PIP5K1B: variants seen among roughly 807,000 people sequenced by gnomAD.
PIP5K1B encodes phosphatidylinositol 4-phosphate 5-kinase type-1 beta.
In PIP5K1B, 42 loss-of-function variants were observed where a neutral mutation model predicts 67.0. That is an observed-to-expected ratio of 0.63 (90% confidence interval 0.49 to 0.81). The LOEUF (loss-of-function observed/expected upper bound fraction) is 0.81. Ranked by LOEUF, PIP5K1B falls within the 30% of genes least tolerant of loss-of-function variation. The pLI, the probability that PIP5K1B is intolerant of heterozygous loss-of-function variation, is 0.00. For synonymous variants in PIP5K1B, 214 were observed against 231.4 expected, an observed-to-expected ratio of 0.92 and a Z score of 0.68; for missense variants, 459 against 646.3, an observed-to-expected ratio of 0.71 and a Z score of 3.14.
rs1475431006 is a variant in PIP5K1B, at chr9:68,815,645, CAGAA to C, written c.-85-2814_-85-2811del. 3.3e-5 allele frequency among the ~76,000 whole-genome samples: 5 copies of C among 151,720 alleles called. No individual in the cohort carries two copies. In the East Asian group the frequency reaches 9.7e-4, roughly 29 times the overall value. On this transcript the variant is annotated intron_variant, in intron 2 of 15. Transcript: ENST00000265382. ...TATAAATCCCGAGAGGAGTTATAAA[CAGAA>C]AAAAACGTGAGTGCGTATAAAGAAA...
intron 15 of PIP5K1B, among the ~76,000 whole-genome samples, chr9:69,002,443 A>C (rs1220357023): frequency 6.6e-6 from 1 of 152,192 alleles, no homozygotes; most frequent in Non-Finnish European, 1.5e-5. Flanking sequence ...ATTCTGCAGC[A>C]CTAGCACGTG....
chr9:68,893,457 C>T (rs1564211450), intron 7 of PIP5K1B, among the ~76,000 whole-genome samples: 1 of 151,046 alleles, frequency 6.6e-6, no homozygotes, highest in Non-Finnish European at 1.5e-5. Context: ...CCTCAGCCTC[C>T]CGAGTAGCTG....
chr9:68,791,538 T>C (rs1428065114), intron 2 of PIP5K1B, among the ~76,000 whole-genome samples: 2 of 152,218 alleles, frequency 1.3e-5, no homozygotes, highest in Admixed American at 6.5e-5. Context: ...AAGAATTTCT[T>C]TGAGTCTCTT....
intron 14 of PIP5K1B, among the ~76,000 whole-genome samples, chr9:68,971,393 A>G (rs1394210748): frequency 1.3e-5 from 2 of 152,170 alleles, no homozygotes; most frequent in Non-Finnish European, 2.9e-5. Flanking sequence ...CTAGTCTATC[A>G]TTGATGGGCA....
At chr9:69,003,553 A>C (rs1483238077) in intron 15 of PIP5K1B, among the ~76,000 whole-genome samples, 4 of 151,666 alleles carry the variant, frequency 2.6e-5, no homozygotes, top group African/African-American at 9.7e-5. Flanking sequence ...AGTGCTGTTC[A>C]TCTTGGCCAA....
At chr9:68,844,605 T>A (rs1361353492) in intron 4 of PIP5K1B, among the ~76,000 whole-genome samples, 1 of 133,214 alleles carries the variant, frequency 7.5e-6, no homozygotes, top group Non-Finnish European at 1.5e-5. Context: ...GTGGGGGAGA[T>A]CCAATGGGGG....
At chr9:68,842,507 A>G (rs188219409) in intron 4 of PIP5K1B, among the ~76,000 whole-genome samples, 2 of 152,272 alleles carry the variant, frequency 1.3e-5, no homozygotes, top group African/African-American at 4.8e-5. Flanking sequence ...ATTGATGTGG[A>G]TAGCATATAT....
At chr9:68,868,385 CAT>C (rs1342666801) in intron 5 of PIP5K1B, among the ~76,000 whole-genome samples, 3 of 152,232 alleles carry the variant, frequency 2.0e-5, no homozygotes, top group African/African-American at 7.2e-5. Context: ...ACTTATATAA[CAT>C]ATATTAATTT....
intron 2 of PIP5K1B, among the ~76,000 whole-genome samples, chr9:68,807,197 C>T (rs1384374296): frequency 6.6e-6 from 1 of 152,154 alleles, no homozygotes; most frequent in Non-Finnish European, 1.5e-5. Context: ...TCCGGGAATA[C>T]ATGTTTGAGT....
chr9:68,874,266 C>A (rs886150147), intron 5 of PIP5K1B, among the ~76,000 whole-genome samples: 5 of 152,116 alleles, frequency 3.3e-5, no homozygotes, highest in African/African-American at 7.2e-5. Context: ...TAATATGGCC[C>A]AAAGATAGCT....
chr9:68,768,807 CA>C (rs1830551597), intron 2 of PIP5K1B, among the ~76,000 whole-genome samples: 1 of 152,134 alleles, frequency 6.6e-6, no homozygotes, highest in Non-Finnish European at 1.5e-5. Context: ...TGGGTCTCTC[CA>C]GTCTGTTAAG....
chr9:68,841,855 A>G (rs1282135991), intron 4 of PIP5K1B, among the ~76,000 whole-genome samples: 10 of 152,334 alleles, frequency 6.6e-5, no homozygotes, highest in Admixed American at 5.2e-4. Flanking sequence ...TCTGCATTGT[A>G]TTCTTAGAAA....
chr9:68,960,729 A>T (rs7038200), intron 14 of PIP5K1B, among the ~76,000 whole-genome samples: 2,707 of 152,048 alleles, frequency 0.018, 54 homozygotes, highest in African/African-American at 0.049. Context: ...CCGTTCTTTT[A>T]TTTCATAGTT....
chr9:68,948,783 T>C (rs1408284127), intron 14 of PIP5K1B, among the ~76,000 whole-genome samples: 2 of 152,078 alleles, frequency 1.3e-5, no homozygotes, highest in Non-Finnish European at 2.9e-5. Flanking sequence ...TTTTGCCAGA[T>C]GTCTTTTTTC....
intron 2 of PIP5K1B, among the ~76,000 whole-genome samples, chr9:68,773,320 C>T (rs1023235456): frequency 3.9e-5 from 6 of 152,132 alleles, no homozygotes; most frequent in African/African-American, 1.2e-4. Context: ...AAAGGGCTAT[C>T]GATTGTATTC....
At chr9:68,751,562 G>C (rs1398769435) in intron 2 of PIP5K1B, among the ~76,000 whole-genome samples, 1 of 152,224 alleles carries the variant, frequency 6.6e-6, no homozygotes, top group African/African-American at 2.4e-5. Context: ...ATGCAGTTTT[G>C]TGATTAGTTC....
intron 2 of PIP5K1B, among the ~76,000 whole-genome samples, chr9:68,796,741 A>G (rs1290954235): frequency 6.6e-6 from 1 of 152,236 alleles, no homozygotes; most frequent in South Asian, 2.1e-4. Flanking sequence ...GCTGGAGCAT[A>G]GGAAGTGGGG....
chr9:68,889,204 G>GTT (rs145571244), intron 7 of PIP5K1B, 71 bp downstream of exon 7: 22 of 1,126,602 alleles, frequency 2.0e-5, no homozygotes, highest in Middle Eastern at 2.3e-4. Context: ...TTTTTCTGTT[G>GTT]TTTTTTTCAG....
chr9:68,824,164 C>CA (rs1194928401), intron 4 of PIP5K1B: 7 of 518,910 alleles, frequency 1.3e-5, no homozygotes, highest in South Asian at 9.8e-5. Context: ...AAGCATGGAC[C>CA]AACACAGAGA....
Sources: allele counts gnomAD v4.1 joint callset (sites outside exome capture counted in the v4.1 genomes callset), GRCh38; gene constraint gnomAD v4.1.1; transcripts MANE v1.5; gene names NCBI Gene and HGNC (gene_info 2026-07-23, HGNC 2026-07-21).